TMEM252: variants seen among roughly 807,000 people sequenced by gnomAD.
TMEM252 encodes the protein transmembrane protein C9orf71.
TMEM252 carries 4 observed loss-of-function variants against 6.4 expected under a neutral mutation model. The observed-to-expected ratio is 0.62, with a 90% CI of 0.31 to 1.43. The LOEUF (loss-of-function observed/expected upper bound fraction) is 1.43, where lower values mean the gene tolerates loss of function less well. Among genes scored for constraint, TMEM252 ranks in the 40% most tolerant of loss-of-function variants. The pLI, the probability that TMEM252 is intolerant of heterozygous loss-of-function variation, is 0.07. For missense variants in TMEM252, 207 were observed against 209.4 expected (o/e 0.99, Z 0.07); for synonymous variants, 85 against 82.5 (o/e 1.03, Z -0.17).
In TMEM252 at chr9:68,537,275, C is replaced by T. The variant is rs375725598; in HGVS notation, c.497G>A (p.Arg166Gln). Residue 166 changes from arginine (R) to glutamine (Q), a missense_variant, in exon 2 of 2, where the codon CGA (arginine) becomes CAA (glutamine). Transcript: ENST00000377311. ...TTCTCTGCCTCAGCACTCTTGGCCT[C>T]GCCTCTGGGCGTCCTCTGAGATTGC... Reference protein sequence around the residue: ...VTAISEDAQRRGQEC With the variant: ...VTAISEDAQRQGQEC 8.1e-5 allele frequency: 130 copies of T among 1,602,866 alleles called. No individual in the cohort carries two copies. Among genetic ancestry groups the T allele is most frequent in the Non-Finnish European group, 1.0e-4 (122 of 1,176,440 alleles).
In TMEM252 at chr9:68,537,491, G is replaced by A; in HGVS notation, c.281C>T (p.Pro94Leu). 6.3e-7 allele frequency: 1 copy of A among 1,599,808 alleles called. No individual in the cohort carries two copies. Among genetic ancestry groups the A allele is most frequent in the South Asian group, 1.1e-5 (1 of 87,758 alleles). The change falls in exon 2 of 2, where the codon CCA (proline) becomes CTA (leucine). Residue 94 changes from proline (P) to leucine (L), a missense_variant and splice_region_variant. Coordinates refer to ENST00000377311, the MANE Select transcript of TMEM252 (RefSeq NM_153237.2). The part of the protein sequence containing the change: ...GALPVATVDR[P>L]DFYPPAYEES... ...TTCATAAGCTGGAGGGTAAAAGTCT[G>A]GCCTAGGGGACAAAACAGCATAAAC... is the stretch of plus-strand genomic sequence containing the variant.
Position 68,537,179 on chromosome 9 carries a change from A to G in TMEM252, c.*80T>C. On this transcript the variant is annotated 3_prime_UTR_variant, in exon 2 of 2. Transcript: ENST00000377311. ...GGTCCCTGGTGTGGCTTTTCCTCCC[A>G]CAGTCCCTCGTTTGCCTTTATTATC... 7.7e-7 allele frequency: 1 copy of G among 1,290,556 alleles called. No homozygotes were observed. The highest frequency in any genetic ancestry group is 1.5e-5 in the African/African-American group (1 of 66,242). 79.9% of individuals were successfully genotyped at this position (1,290,556 alleles called of 1,614,324 possible).
intron 1 of TMEM252, among the ~76,000 whole-genome samples, chr9:68,539,156 A>G (rs910110091): frequency 3.9e-5 from 6 of 152,204 alleles, no homozygotes; most frequent in Non-Finnish European, 8.8e-5. Flanking sequence ...TATTTTAGAT[A>G]CTTTCTACTC....
rs1825143374 is a variant in TMEM252, at chr9:68,536,619, A to G, written c.*640T>C. 3 of 152,238 alleles carry G rather than the reference A, an allele frequency of 2.0e-5. No homozygotes were observed. Among genetic ancestry groups the G allele is most frequent in the Admixed American group, 2.0e-4 (3 of 15,286 alleles). 9.4% of individuals were successfully genotyped at this position (152,238 alleles called of 1,614,324 possible). A position where few individuals can be genotyped will look rare whatever the true frequency, so the allele number is the denominator to read the frequency against. On this transcript the variant is annotated 3_prime_UTR_variant, in exon 2 of 2. Transcript: ENST00000377311. ...TCATTTAATATTTTGTGTTTGAACC[A>G]TCTTGAAGGCAAATATTACAGTCAT...
At chr9:68,540,515 C>T (rs1825191050) in intron 1 of TMEM252, 22 bp downstream of exon 1, 19 of 1,610,892 alleles carry the variant, frequency 1.2e-5, no homozygotes, top group Non-Finnish European at 1.5e-5. Context: ...CCTTCTTGGT[C>T]CCTCTGCCTG....
In TMEM252 at chr9:68,540,746, C is replaced by T. The variant is rs770666424; in HGVS notation, c.69G>A (p.Leu23=). The part of the protein sequence containing the change: ...ALLMGFLMVC[L]GAFFISWGSI... ...AGCCCCAGGAAATGAAGAAGGCCCC[C>T]AGGCAGACCATCAGGAAACCCATCA... Residue 23 remains leucine (L), a synonymous_variant, in exon 1 of 2, where the codon CTG becomes CTA. Coordinates refer to ENST00000377311, the MANE Select transcript of TMEM252 (RefSeq NM_153237.2). 157 of 1,614,042 alleles carry T rather than the reference C, an allele frequency of 9.7e-5. No homozygotes were observed. Among genetic ancestry groups the T allele is most frequent in the Non-Finnish European group, 1.3e-4 (154 of 1,180,036 alleles).
At position 68,537,424 on chromosome 9, in the gene TMEM252, T is replaced by C. The variant is rs1394090414; in HGVS notation, c.348A>G (p.Arg116=). The C allele has an allele frequency of 6.2e-7, 1 of 1,606,356 alleles. No homozygotes were observed. Among genetic ancestry groups the C allele is most frequent in the Non-Finnish European group, 8.5e-7 (1 of 1,177,862 alleles). ...EVEKQSCPAE[R]EASGIPPPLY... ...GAGGTGGAGGAATGCCAGAGGCCTCTCTCTCTGCAGGACAGCTCTGCTTTT... is the reference window on the plus strand; with the variant it reads ...GAGGTGGAGGAATGCCAGAGGCCTCCCTCTCTGCAGGACAGCTCTGCTTTT... The change falls in exon 2 of 2, where the codon AGA becomes AGG. Residue 116 remains arginine, a synonymous_variant. Transcript: ENST00000377311.
chr9:68,537,804 T>C (rs767699893), intron 1 of TMEM252, among the ~76,000 whole-genome samples: 1 of 152,230 alleles, frequency 6.6e-6, no homozygotes, highest in African/African-American at 2.4e-5. Context: ...GAGATCCTTG[T>C]CAACATTAGA....
At chr9:68,539,847 C>A (rs1306087927) in intron 1 of TMEM252, among the ~76,000 whole-genome samples, 1 of 152,214 alleles carries the variant, frequency 6.6e-6, no homozygotes, top group African/African-American at 2.4e-5. Context: ...GAGGAGTCTC[C>A]ACACTGTTTT....
At position 68,537,078 on chromosome 9, in the gene TMEM252, T is replaced by C. The variant is rs1411763881; in HGVS notation, c.*181A>G. 2 of 523,394 alleles carry C rather than the reference T, an allele frequency of 3.8e-6. No individual in the cohort carries two copies. The highest frequency in any genetic ancestry group is 6.3e-6 in the Non-Finnish European group (2 of 315,636). 32.4% of individuals were successfully genotyped at this position (523,394 alleles called of 1,614,324 possible). On this transcript the variant is annotated 3_prime_UTR_variant, in exon 2 of 2. Transcript: ENST00000377311. Reference sequence around the variant, plus strand: ...GTTGGCCACACCCTTCCAGGGCCCCTGGCCTGCCCTGCCCTGGCATGGCCA... The same window carrying C: ...GTTGGCCACACCCTTCCAGGGCCCCCGGCCTGCCCTGCCCTGGCATGGCCA...
At chr9:68,538,115 T>A (rs1180215235) in intron 1 of TMEM252, among the ~76,000 whole-genome samples, 2 of 152,364 alleles carry the variant, frequency 1.3e-5, no homozygotes, top group East Asian at 3.9e-4. Flanking sequence ...GTTGTAGCCC[T>A]TTCTATGCCA....
At chr9:68,540,485 A>T in intron 1 of TMEM252, 52 bp downstream of exon 1, 1 of 1,602,964 alleles carries the variant, frequency 6.2e-7, no homozygotes, top group African/African-American at 1.3e-5. Flanking sequence ...CAGATCTTAC[A>T]CAACTCAGCC....
In TMEM252 at chr9:68,540,441, T is replaced by C. The variant is rs1487094197; in HGVS notation, c.278+96A>G. The C allele has an allele frequency of 2.0e-6, 3 of 1,529,870 alleles. No homozygotes were observed. In the African/African-American group the frequency reaches 4.1e-5, roughly 21 times the overall value. The allele number at this position is 1,529,870 out of a possible 1,614,324, so 94.8% of individuals were successfully genotyped here. A position where few individuals can be genotyped will look rare whatever the true frequency, so the allele number is the denominator to read the frequency against. On this transcript the variant is annotated intron_variant, in intron 1 of 1. Transcript: ENST00000377311. ...TTCTAGACAGACAGCCCATGGGACA[T>C]GTAAGTCGCTCCATAGTAGGATCAG...
rs368027847 is a variant in TMEM252, at chr9:68,540,778, C to T, written c.37G>A (p.Ala13Thr). ...NRTGLILCAL[A>T]LLMGFLMVCL... Reference sequence around the variant, plus strand: ...ACCATCAGGAAACCCATCAGGAGGGCAAGAGCACAGAGAATGAGGCCAGTT... The same window carrying T: ...ACCATCAGGAAACCCATCAGGAGGGTAAGAGCACAGAGAATGAGGCCAGTT... Residue 13 changes from alanine to threonine, a missense_variant, in exon 1 of 2, where the codon GCC (alanine) becomes ACC (threonine). Ala to Thr is a moderately conservative substitution (Grantham distance 58). Transcript: ENST00000377311. 15 of 1,614,094 alleles carry T rather than the reference C, an allele frequency of 9.3e-6. No individual in the cohort carries two copies. In the African/African-American group the frequency reaches 1.7e-4, roughly 19 times the overall value.
In TMEM252 at chr9:68,540,675, A is replaced by G. The variant is rs1327850629; in HGVS notation, c.140T>C (p.Leu47Pro). 6.2e-7 allele frequency: 1 copy of G among 1,614,048 alleles called. No individual in the cohort carries two copies. Among genetic ancestry groups the G allele is most frequent in the Non-Finnish European group, 8.5e-7 (1 of 1,180,016 alleles). The change falls in exon 1 of 2, where the codon CTG becomes CCG. Residue 47 changes from leucine (L) to proline (P), a missense_variant. By Grantham distance (98) the Leu-to-Pro change is moderately conservative (BLOSUM62 -3). Coordinates refer to ENST00000377311, the MANE Select transcript of TMEM252 (RefSeq NM_153237.2). ...QGSLIAAYLL[L>P]PLGFVILLSG... The stretch of plus-strand genomic sequence containing the variant: ...CAGAAGGATCACAAACCCCAGAGGC[A>G]GAAGCAAATAGGCCGCAATCAGGCT...
In TMEM252 at chr9:68,537,128, C is replaced by T. The variant is rs1256012878; in HGVS notation, c.*131G>A. On this transcript the variant is annotated 3_prime_UTR_variant, in exon 2 of 2. Transcript: ENST00000377311. ...AGTTATGTCTGGAATTCAGGGCTGTCATCCCCTCCCCAAGCTCTCTTGTGG... is the reference window on the plus strand; with the variant it reads ...AGTTATGTCTGGAATTCAGGGCTGTTATCCCCTCCCCAAGCTCTCTTGTGG... The T allele has an allele frequency of 1.2e-6, 1 of 810,492 alleles. No individual in the cohort carries two copies. Among genetic ancestry groups the T allele is most frequent in the Admixed American group, 3.1e-5 (1 of 32,008 alleles). 50.2% of individuals were successfully genotyped at this position (810,492 alleles called of 1,614,324 possible). A position where few individuals can be genotyped will look rare whatever the true frequency, so the allele number is the denominator to read the frequency against.
At chr9:68,540,367 C>T (rs1303924250) in intron 1 of TMEM252, among the ~76,000 whole-genome samples, 170 bp downstream of exon 1, 3 of 152,198 alleles carry the variant, frequency 2.0e-5, no homozygotes, top group South Asian at 2.1e-4. Flanking sequence ...GATGGCGCCA[C>T]TCTTCCTAAT....
intron 1 of TMEM252, among the ~76,000 whole-genome samples, chr9:68,537,858 T>A (rs1825160119): frequency 6.6e-6 from 1 of 152,172 alleles, no homozygotes; most frequent in African/African-American, 2.4e-5. Context: ...TACCGAGTAC[T>A]TAGTCCATCC....
Position 68,537,276 on chromosome 9 carries a change from G to T in TMEM252, c.496C>A (p.Arg166=). The change falls in exon 2 of 2, where the codon CGA becomes AGA. Residue 166 remains arginine (R), a synonymous_variant. Transcript: ENST00000377311. ...TCTCTGCCTCAGCACTCTTGGCCTC[G>T]CCTCTGGGCGTCCTCTGAGATTGCT... ...VTAISEDAQR[R]GQEC is the part of the protein sequence containing the mutation. 6.2e-7 allele frequency: 1 copy of T among 1,602,738 alleles called. No homozygotes were observed. Among genetic ancestry groups the T allele is most frequent in the Admixed American group, 1.8e-5 (1 of 57,048 alleles).
Sources: allele counts gnomAD v4.1 joint callset (sites outside exome capture counted in the v4.1 genomes callset), GRCh38; gene constraint gnomAD v4.1.1; transcripts MANE v1.5; gene names NCBI Gene and HGNC (gene_info 2026-07-23, HGNC 2026-07-21).